Variants in MED16 observed in about 807,000 individuals in gnomAD.
The protein encoded by MED16 is mediator complex subunit 16.
MED16 carries 81 observed loss-of-function variants against 84.4 expected under a neutral mutation model. That is an observed-to-expected ratio of 0.96 (90% CI 0.80 to 1.15). The LOEUF (loss-of-function observed/expected upper bound fraction) is 1.15. Ranked by LOEUF, MED16 falls within the 50% of genes most tolerant of loss-of-function variation. The pLI is 0.00. For synonymous variants in MED16, 897 were observed against 552.2 expected (o/e 1.62, Z -8.76); for missense variants, 1,585 against 1,245.9 (o/e 1.27, Z -4.10).
At chr19:881,514 G>A in intron 7 of MED16, 45 bp downstream of exon 7, 3 of 1,581,126 alleles carry the variant, frequency 1.9e-6, no homozygotes, top group African/African-American at 2.7e-5. Flanking sequence ...CAACTCCCCT[G>A]GTGTGAACTG....
chr19:880,338 G>A (rs1034189750), intron 7 of MED16, among the ~76,000 whole-genome samples, 190 bp from the exon 8 acceptor site: 14 of 152,252 alleles, frequency 9.2e-5, no homozygotes, highest in African/African-American at 3.4e-4. Flanking sequence ...GAGCACCAGG[G>A]GAGCAGGAGC....
chr19:871,491 C>T, intron 12 of MED16: 1 of 1,487,700 alleles, frequency 6.7e-7, no homozygotes, highest in Non-Finnish European at 9.0e-7. Context: ...CCCTCATTCA[C>T]TTAAAAAGTA....
Position 868,010 on chromosome 19 carries a change from G to T in MED16, c.*91C>A. On this transcript the variant is annotated 3_prime_UTR_variant, in exon 16 of 16. Coordinates refer to ENST00000325464, the MANE Select transcript of MED16 (RefSeq NM_005481.3). ...GACCTGTCCTTCCCAGCCGCTGCTT[G>T]TCCAGGTTCAGCGCTCTCCGCGGGT... The T allele has an allele frequency of 6.8e-7, 1 of 1,470,580 alleles. No homozygotes were observed. The highest frequency in any genetic ancestry group is 9.1e-7 in the Non-Finnish European group (1 of 1,104,678). 91.1% of individuals were successfully genotyped at this position (1,470,580 alleles called of 1,614,324 possible). A position where few individuals can be genotyped will look rare whatever the true frequency, so the allele number is the denominator to read the frequency against.
Position 880,016 on chromosome 19 carries a change from G to A in MED16, c.1274C>T (p.Ala425Val), listed in dbSNP as rs186773580. ...AGCCTTTAAGTGGACGGCGGGGCCC[G>A]CGGTGCGGGGGCGCTTCATGGCCGG... ...DEPAMKRPRT[A>V]GPAVHLKAMQ... The change falls in exon 8 of 16, where the codon GCG becomes GTG. Residue 425 changes from alanine (A) to valine (V), a missense_variant. Ala to Val is a moderately conservative substitution (Grantham distance 64). Transcript: ENST00000325464. The A allele has an allele frequency of 1.8e-4, 296 of 1,610,286 alleles. 1 individual carries two copies. The Admixed American group carries it at 3.6e-3, about 20-fold the overall frequency.
chr19:877,237 G>A (rs1344227719), intron 8 of MED16, 57 bp from the exon 9 acceptor site: 1 of 1,526,656 alleles, frequency 6.6e-7, no homozygotes, highest in South Asian at 1.2e-5. Context: ...CCCTCAGCCG[G>A]GAGAGGAATG....
At chr19:881,783 C>A in intron 6 of MED16, 69 bp from the exon 7 acceptor site, 1 of 1,548,728 alleles carries the variant, frequency 6.5e-7, no homozygotes, top group Non-Finnish European at 8.8e-7. Context: ...CCGCAGGAGT[C>A]CAGCATGGCC....
At chr19:876,501 C>G (rs1249866152) in intron 9 of MED16, among the ~76,000 whole-genome samples, 1 of 152,058 alleles carries the variant, frequency 6.6e-6, no homozygotes, top group Non-Finnish European at 1.5e-5. Flanking sequence ...AGAGGGGAGC[C>G]GTCCAGGGGG....
At chr19:874,939 G>A (rs1161491908) in intron 10 of MED16, among the ~76,000 whole-genome samples, 1 of 151,972 alleles carries the variant, frequency 6.6e-6, no homozygotes, top group Non-Finnish European at 1.5e-5. Context: ...GAGGCGGGCG[G>A]ATCATTTGAG....
At position 876,902 on chromosome 19, in the gene MED16, ACCTGCCACG is replaced by A. The variant is rs2036250410; in HGVS notation, c.1560+63_1560+71del. ...GGGCCCCCACCTGCCACGGGGCCCCACCTGCCACGGGGCCCCCACCTGCCACAGGGCCCC... is the reference window on the plus strand; with the variant it reads ...GGGCCCCCACCTGCCACGGGGCCCCAGGGCCCCCACCTGCCACAGGGCCCC... On this transcript the variant is annotated intron_variant, in intron 9 of 15. Coordinates refer to ENST00000325464, the MANE Select transcript of MED16 (RefSeq NM_005481.3). 3 of 1,462,878 alleles carry A rather than the reference ACCTGCCACG, an allele frequency of 2.1e-6. No individual in the cohort carries two copies. In the South Asian group the frequency reaches 4.0e-5, roughly 19 times the overall value. 90.6% of individuals were successfully genotyped at this position (1,462,878 alleles called of 1,614,324 possible).
At chr19:877,525 A>C (rs2036278948) in intron 8 of MED16, among the ~76,000 whole-genome samples, 2 of 119,820 alleles carry the variant, frequency 1.7e-5, no homozygotes, top group Admixed American at 1.6e-4. Flanking sequence ...GAGCCACCCC[A>C]CTGACCTCGC....
intron 5 of MED16, 62 bp from the exon 6 acceptor site, chr19:885,070 G>T: frequency 7.5e-7 from 1 of 1,326,378 alleles, no homozygotes; most frequent in Non-Finnish European, 1.0e-6. Flanking sequence ...GCCACCACCG[G>T]AGCCTGAGCT....
chr19:868,376 G>A (rs1284118203), intron 15 of MED16, 40 bp downstream of exon 15: 4 of 1,597,828 alleles, frequency 2.5e-6, no homozygotes, highest in Middle Eastern at 1.7e-4. Context: ...GCTGGGCTCA[G>A]GGGTAGCTGA....
In MED16 at chr19:880,119, C is replaced by G. The variant is rs745416680; in HGVS notation, c.1171G>C (p.Val391Leu). Residue 391 changes from valine to leucine, a missense_variant, in exon 8 of 16, where the codon GTC becomes CTC. By Grantham distance (32) the Val-to-Leu change is conservative (BLOSUM62 1). Transcript: ENST00000325464. ...AGTGAGAGCCGGTGCACGATGTGGACGCTGCCGTCGTGGAAGGCCAGGGCC... is the reference window on the plus strand; with the variant it reads ...AGTGAGAGCCGGTGCACGATGTGGAGGCTGCCGTCGTGGAAGGCCAGGGCC... The part of the protein sequence containing the change: ...GLALAFHDGS[V>L]HIVHRLSLQT... 2 of 1,609,888 alleles carry G rather than the reference C, an allele frequency of 1.2e-6. No homozygotes were observed. Among genetic ancestry groups the G allele is most frequent in the South Asian group, 1.1e-5 (1 of 90,784 alleles).
At chr19:871,313 G>T in intron 12 of MED16, 60 bp from the exon 13 acceptor site, 1 of 1,462,192 alleles carries the variant, frequency 6.8e-7, no homozygotes, top group East Asian at 2.5e-5. Context: ...CCGGCCACCC[G>T]GGACGTGCTG....
intron 7 of MED16, among the ~76,000 whole-genome samples, chr19:881,149 G>A (rs984422244): frequency 7.2e-5 from 11 of 152,118 alleles, no homozygotes; most frequent in Non-Finnish European, 1.6e-4. Flanking sequence ...TTACAGCTGA[G>A]CAAATAGGGT....
intron 11 of MED16, 99 bp from the exon 12 acceptor site, chr19:872,217 G>C: frequency 1.0e-6 from 1 of 994,434 alleles, no homozygotes; most frequent in South Asian, 1.6e-5. Flanking sequence ...GGGGGGCAAT[G>C]GGCAGGGTCT....
intron 9 of MED16, 38 bp downstream of exon 9, chr19:876,936 C>A: frequency 6.3e-7 from 1 of 1,577,886 alleles, no homozygotes; most frequent in Non-Finnish European, 8.6e-7. Flanking sequence ...CACAGGGCCC[C>A]CACCTGCCAC....
At position 868,149 on chromosome 19, in the gene MED16, G is replaced by A. The variant is rs750472253; in HGVS notation, c.2586C>T (p.Pro862=). 2.8e-5 allele frequency: 45 copies of A among 1,611,808 alleles called. No individual in the cohort carries two copies. The highest frequency in any genetic ancestry group is 3.4e-5 in the Non-Finnish European group (40 of 1,179,584). ...GATGGTCCAGGGATCTGGGGGTCCT[G>A]GGAGAGTGGTGTGTGGACTGCGGGC... ...QLGPQSTHHS[P]RTPRSLDHLH... is the part of the protein sequence containing the mutation. Residue 862 remains proline (P), a synonymous_variant, in exon 16 of 16, where the codon CCC becomes CCT. Coordinates refer to ENST00000325464, the MANE Select transcript of MED16 (RefSeq NM_005481.3).
In MED16 at chr19:891,158, G is replaced by A. The variant is rs1341101201; in HGVS notation, c.-18-9C>T. On this transcript the variant is annotated splice_polypyrimidine_tract_variant and intron_variant, in intron 1 of 15. Coordinates refer to ENST00000325464, the MANE Select transcript of MED16 (RefSeq NM_005481.3). ...AGGGCAGTCACCAGCTCCTGCGGGA[G>A]GGAGGTGTGGTGGGACGTCTATGTT... The A allele has an allele frequency of 1.9e-6, 3 of 1,599,922 alleles. No homozygotes were observed. The highest frequency in any genetic ancestry group is 2.6e-6 in the Non-Finnish European group (3 of 1,171,982).
Sources: gnomAD v4.1 joint callset for allele counts (sites outside exome capture counted in the v4.1 genomes callset) on GRCh38, gnomAD v4.1.1 for gene constraint, MANE v1.5 for transcripts, NCBI Gene and HGNC (gene_info 2026-07-23, HGNC 2026-07-21) for gene names.